RACGAP1: variants seen among roughly 807,000 people sequenced by gnomAD.
The protein encoded by RACGAP1 is rac GTPase-activating protein 1.
Under a neutral mutation model 78.1 loss-of-function variants are expected in RACGAP1, and 30 were observed. That is an observed-to-expected ratio of 0.38 (90% CI 0.29 to 0.52). The LOEUF (loss-of-function observed/expected upper bound fraction) is 0.52, where lower values mean the gene tolerates loss of function less well. Among genes scored for constraint, RACGAP1 ranks in the 20% least tolerant of loss-of-function variants. RACGAP1 has a pLI of 0.82. For synonymous variants in RACGAP1, 231 were observed against 264.8 expected, an observed-to-expected ratio of 0.87 and a Z score of 1.24; for missense variants, 587 against 777.1, an observed-to-expected ratio of 0.76 and a Z score of 2.91.
chr12:50,021,444 T>C (rs1255650489), intron 1 of RACGAP1, among the ~76,000 whole-genome samples: 1 of 152,230 alleles, frequency 6.6e-6, no homozygotes, highest in Non-Finnish European at 1.5e-5. Flanking sequence ...GGGAGCAATC[T>C]GGAAACACCA....
chr12:50,031,478 CAAAAAAAAAAA>C (rs56229939), intron 2 of RACGAP1, among the ~76,000 whole-genome samples: 8 of 71,898 alleles, frequency 1.1e-4, no homozygotes, highest in South Asian at 7.9e-4. Context: ...GACTCCATCT[CAAAAAAAAAAA>C]AAAAAAAAAA....
intron 7 of RACGAP1, 112 bp from the exon 8 acceptor site, chr12:49,999,845 C>A: frequency 1.3e-6 from 1 of 779,056 alleles, no homozygotes; most frequent in Non-Finnish European, 2.2e-6. Context: ...AGACTTAAGA[C>A]CCCAGTCTGA....
At chr12:50,018,714 C>A (rs1481461322) in intron 1 of RACGAP1, 1 of 335,028 alleles carries the variant, frequency 3.0e-6, no homozygotes, top group Non-Finnish European at 5.2e-6. Context: ...AAACTTCTAT[C>A]TGTCCAAGAA....
At chr12:49,999,846 C>A in intron 7 of RACGAP1, 113 bp from the exon 8 acceptor site, 1 of 773,164 alleles carries the variant, frequency 1.3e-6, no homozygotes, top group Admixed American at 2.1e-5. Context: ...GACTTAAGAC[C>A]CCAGTCTGAT....
upstream of RACGAP1, among the ~76,000 whole-genome samples, chr12:50,027,203 A>T (rs921175813): frequency 6.6e-6 from 1 of 152,214 alleles, no homozygotes; most frequent in Non-Finnish European, 1.5e-5. Context: ...GAAGAAAGAA[A>T]ATATGAACTG....
chr12:50,022,492 G>C (rs1202944328), intron 1 of RACGAP1, among the ~76,000 whole-genome samples: 1 of 152,090 alleles, frequency 6.6e-6, no homozygotes, highest in Admixed American at 6.6e-5. Flanking sequence ...TGAGGCAGGA[G>C]AATCGCTTGA....
At chr12:50,002,532 CCA>C (rs1948743299) in intron 5 of RACGAP1, 2 of 381,368 alleles carry the variant, frequency 5.2e-6, no homozygotes, top group South Asian at 1.2e-4. Context: ...GGAATCAATA[CCA>C]CAGAGGCAAG....
intron 1 of RACGAP1, among the ~76,000 whole-genome samples, chr12:50,032,560 TG>T (rs1398391011): frequency 1.3e-5 from 2 of 152,182 alleles, no homozygotes; most frequent in East Asian, 3.9e-4. Context: ...TGTGTGTGTG[TG>T]TGTGTGAAGC....
chr12:49,996,494 G>A (rs567454281), intron 10 of RACGAP1, among the ~76,000 whole-genome samples: 23 of 151,356 alleles, frequency 1.5e-4, no homozygotes, highest in African/African-American at 5.1e-4. Context: ...AAAATTAGCC[G>A]GGCATGGTGG....
chr12:49,997,352 G>GCAACCTCTGCCTCCCAGGTT, intron 9 of RACGAP1, 148 bp from the exon 10 acceptor site: 2 of 1,240,924 alleles, frequency 1.6e-6, no homozygotes, highest in East Asian at 6.5e-5. Flanking sequence ...TCAGCTCACT[G>GCAACCTCTGCCTCCCAGGTT]CAACCTCTGC....
At chr12:50,028,653 T>C (rs1950302833), upstream of RACGAP1, among the ~76,000 whole-genome samples, 1 of 151,568 alleles carries the variant, frequency 6.6e-6, no homozygotes, top group Admixed American at 6.6e-5. Flanking sequence ...ATGCCTGTAA[T>C]CCCAGCTACT....
Position 49,994,194 on chromosome 12 carries a change from G to C in RACGAP1, c.1276C>G (p.Leu426Val), listed in dbSNP as rs757883850. The C allele has an allele frequency of 4.7e-5, 76 of 1,613,990 alleles. No individual in the cohort carries two copies. The highest frequency in any genetic ancestry group is 6.4e-5 in the Non-Finnish European group (76 of 1,180,034). ...AGAAGAGGTTCTTTGAGGTTTCGAA[G>C]AAAGTCTTTTAGAAGGCTACAGATA... The part of the protein sequence containing the change: ...HAICSLLKDF[L>V]RNLKEPLLTF... The change falls in exon 12 of 17, where the codon CTT becomes GTT. Residue 426 changes from leucine to valine, a missense_variant. Transcript: ENST00000312377.
chr12:50,022,573 ACT>A (rs1189221427), intron 1 of RACGAP1, among the ~76,000 whole-genome samples: 1 of 152,030 alleles, frequency 6.6e-6, no homozygotes, highest in East Asian at 1.9e-4. Context: ...CAAGAGTGAA[ACT>A]CTGTCTCAAA....
At chr12:50,031,582 C>T in intron 2 of RACGAP1, 1 of 605,394 alleles carries the variant, frequency 1.7e-6, no homozygotes, top group Non-Finnish European at 2.1e-6. Context: ...TTTGCAGTTC[C>T]TCCACGCACC....
In RACGAP1 at chr12:49,992,147, A is replaced by C. The variant is rs117109315; in HGVS notation, c.1579-14T>G. The C allele has an allele frequency of 0.011, 17,299 of 1,612,932 alleles. 109 individuals are homozygous for C. Among genetic ancestry groups the C allele is most frequent in the Non-Finnish European group, 0.013 (14,979 of 1,179,518 alleles). On this transcript the variant is annotated splice_polypyrimidine_tract_variant and intron_variant, in intron 14 of 16. Coordinates refer to ENST00000312377, the MANE Select transcript of RACGAP1 (RefSeq NM_001319999.2). ...GCGCTCAACCACCTAAAAGCCAGCA[A>C]ATCTGTTAGCAAACTTCCAAAGCTC...
chr12:50,005,520 G>A, intron 3 of RACGAP1, 128 bp from the exon 4 acceptor site: 1 of 1,017,344 alleles, frequency 9.8e-7, no homozygotes, highest in Non-Finnish European at 1.4e-6. Context: ...CAGGAAGGCT[G>A]CTACACCAAT....
At chr12:49,996,344 C>T (rs1289714673) in intron 10 of RACGAP1, among the ~76,000 whole-genome samples, 1 of 150,824 alleles carries the variant, frequency 6.6e-6, no homozygotes, top group East Asian at 2.0e-4. Context: ...AAAGAATGGA[C>T]ATGACCAGGC....
At chr12:50,000,558 C>T (rs1001847178) in intron 7 of RACGAP1, among the ~76,000 whole-genome samples, 3 of 151,990 alleles carry the variant, frequency 2.0e-5, no homozygotes, top group Admixed American at 6.5e-5. Flanking sequence ...ACTTGAGCCC[C>T]GCAGTTCGAG....
upstream of RACGAP1, among the ~76,000 whole-genome samples, chr12:50,028,946 A>G (rs1950305082): frequency 1.3e-5 from 2 of 151,508 alleles, no homozygotes; most frequent in African/African-American, 2.4e-5. Flanking sequence ...GGCCGGGCAC[A>G]GTGGCTCATG....
Sources: gnomAD v4.1 joint callset for allele counts (sites outside exome capture counted in the v4.1 genomes callset) on GRCh38, gnomAD v4.1.1 for gene constraint, MANE v1.5 for transcripts, NCBI Gene and HGNC (gene_info 2026-07-23, HGNC 2026-07-21) for gene names.